The following ITPKB variants were observed in gnomAD, a reference collection of about 807,000 sequenced individuals.
ITPKB encodes the protein IP3 3-kinase B.
In ITPKB, 13 loss-of-function variants were observed where a neutral mutation model predicts 69.4. That is an observed-to-expected ratio of 0.19 (90% CI 0.12 to 0.30). The LOEUF is 0.30. Among genes scored for constraint, ITPKB ranks in the 10% least tolerant of loss-of-function variants. The probability of loss-of-function intolerance (pLI) is 1.00; values close to 1 mark genes in which losing one functional copy is unlikely to be tolerated. For missense variants in ITPKB, 1,240 were observed against 1,250.5 expected, an observed-to-expected ratio of 0.99 and a Z score of 0.13; for synonymous variants, 584 against 513.7, an observed-to-expected ratio of 1.14 and a Z score of -1.85.
At chr1:226,727,867 C>G (rs1371117433) in intron 2 of ITPKB, among the ~76,000 whole-genome samples, 1 of 152,218 alleles carries the variant, frequency 6.6e-6, no homozygotes, top group Non-Finnish European at 1.5e-5. Flanking sequence ...AAACCCTAAT[C>G]TTGGTCACCA....
chr1:226,727,119 G>A (rs1412914609), intron 2 of ITPKB, among the ~76,000 whole-genome samples: 1 of 152,168 alleles, frequency 6.6e-6, no homozygotes, highest in Non-Finnish European at 1.5e-5. Flanking sequence ...ATAATATTAT[G>A]AGGTATATTT....
chr1:226,669,203 G>C (rs942600263), intron 2 of ITPKB: 1 of 152,212 alleles, frequency 6.6e-6, no homozygotes, highest in Non-Finnish European at 1.5e-5. Context: ...ATCACCTGAG[G>C]TCAGGAGTTC....
chr1:226,649,572 TGA>T (rs1383270845), intron 2 of ITPKB, among the ~76,000 whole-genome samples: 11 of 151,622 alleles, frequency 7.3e-5, no homozygotes, highest in African/African-American at 2.7e-4. Context: ...TATGTGTGCA[TGA>T]GTGTGTGCGT....
intron 2 of ITPKB, among the ~76,000 whole-genome samples, chr1:226,670,889 ACC>A (rs1161686184): frequency 7.2e-5 from 11 of 152,350 alleles, no homozygotes; most frequent in African/African-American, 2.4e-4. Context: ...TTATGATGAT[ACC>A]TATTCTTTTT....
intron 2 of ITPKB, among the ~76,000 whole-genome samples, chr1:226,712,589 C>T (rs1656988499): frequency 6.6e-6 from 1 of 152,134 alleles, no homozygotes; most frequent in Non-Finnish European, 1.5e-5. Context: ...GTGAAGGGAG[C>T]GCTCGGCTGG....
chr1:226,664,599 A>T (rs764126809), intron 2 of ITPKB, among the ~76,000 whole-genome samples: 10 of 152,058 alleles, frequency 6.6e-5, no homozygotes, highest in Non-Finnish European at 1.5e-4. Context: ...TGTTAACATC[A>T]TTTCTAGGGA....
chr1:226,714,783 A>T (rs1428287496), intron 2 of ITPKB, among the ~76,000 whole-genome samples: 1 of 152,226 alleles, frequency 6.6e-6, no homozygotes, highest in South Asian at 2.1e-4. Flanking sequence ...AAACATGCTT[A>T]TTCTCTCCCA....
rs554325553 is a variant in ITPKB, at chr1:226,634,715, C to T, written c.2797G>A (p.Val933Ile). Residue 933 changes from valine (V) to isoleucine (I), a missense_variant, in exon 8 of 8, where the codon GTC (valine) becomes ATC (isoleucine). By Grantham distance (29) the Val-to-Ile change is conservative. Coordinates refer to ENST00000429204, the MANE Select transcript of ITPKB (RefSeq NM_002221.4). The surrounding 1 kb of genome is among the most constrained non-coding windows in gnomAD (Gnocchi z 6.3). ...DGYLSGLNNLVDILTEMSQDA... is the reference protein window; with the variant it reads ...DGYLSGLNNLIDILTEMSQDA... ...TGGGACATCTCGGTCAGGATGTCGA[C>T]GAGGTTATTGAGCCCCGAGAGGTAG... The T allele has an allele frequency of 4.0e-5, 39 of 981,548 alleles. No homozygotes were observed. In the East Asian group the frequency reaches 8.1e-4, roughly 20 times the overall value. 60.8% of individuals were successfully genotyped at this position (981,548 alleles called of 1,614,324 possible).
chr1:226,725,242 C>T (rs773130481), intron 2 of ITPKB, among the ~76,000 whole-genome samples: 10 of 152,204 alleles, frequency 6.6e-5, no homozygotes, highest in Admixed American at 1.3e-4. Context: ...GGACAGCATC[C>T]GTTAAGCCGT....
intron 3 of ITPKB, among the ~76,000 whole-genome samples, chr1:226,647,775 T>G (rs1028736839): frequency 3.9e-5 from 6 of 152,228 alleles, no homozygotes; most frequent in African/African-American, 1.4e-4. Context: ...AAACCCTGAT[T>G]GGACAGGATT....
chr1:226,690,532 C>T (rs912930011), intron 2 of ITPKB, among the ~76,000 whole-genome samples: 39 of 102,398 alleles, frequency 3.8e-4, no homozygotes, highest in African/African-American at 1.3e-3. Context: ...CTCACTCCTC[C>T]TACGTCAAGC....
chr1:226,732,770 C>T (rs1657630689), intron 2 of ITPKB, among the ~76,000 whole-genome samples: 1 of 152,082 alleles, frequency 6.6e-6, no homozygotes, highest in Admixed American at 6.6e-5. Context: ...TTGCTCAGTG[C>T]AATTTGATTT....
chr1:226,735,763 T>C lies in ITPKB; in HGVS notation c.1696A>G (p.Ile566Val), dbSNP rs1244864256. 1 of 1,598,376 alleles carries C rather than the reference T, an allele frequency of 6.3e-7. No individual in the cohort carries two copies. Residue 566 changes from isoleucine (I) to valine (V), a missense_variant, in exon 2 of 8, where the codon ATA (isoleucine) becomes GTA (valine). Physicochemically the swap from Ile to Val is conservative, Grantham distance 29. Transcript: ENST00000429204. ...FLRKACSPSN[I>V]PAVIITDMGT... is the part of the protein sequence containing the mutation. ...ATGTCTGTAATGATGACAGCAGGTATGTTGCTGGGGCTGCAGGCCTTCCTC... is the reference window on the plus strand; with the variant it reads ...ATGTCTGTAATGATGACAGCAGGTACGTTGCTGGGGCTGCAGGCCTTCCTC...
intron 2 of ITPKB, among the ~76,000 whole-genome samples, chr1:226,671,958 G>C (rs1306490074): frequency 3.9e-5 from 6 of 152,308 alleles, no homozygotes; most frequent in African/African-American, 1.4e-4. Context: ...GCTGCTGGAG[G>C]GTTTTGAGTG....
chr1:226,634,740 G>T lies in ITPKB; in HGVS notation c.2772C>A (p.Gly924=). The change falls in exon 8 of 8, where the codon GGC becomes GGA. Residue 924 remains glycine, a synonymous_variant. Transcript: ENST00000429204. This position sits in a 1 kb window ranked among gnomAD's most constrained non-coding sequence, Gnocchi z 6.3. ...CGAGGTTATTGAGCCCCGAGAGGTA[G>T]CCATCCTCCCGGTTCCCCTCCTGCC... ...VPWQEGNRED[G]YLSGLNNLVD... 1 of 1,187,418 alleles carries T rather than the reference G, an allele frequency of 8.4e-7. No homozygotes were observed. The highest frequency in any genetic ancestry group is 1.3e-6 in the Non-Finnish European group (1 of 790,594). The allele number at this position is 1,187,418 out of a possible 1,614,324, so 73.6% of individuals were successfully genotyped here.
chr1:226,725,392 T>A (rs1657380164), intron 2 of ITPKB, among the ~76,000 whole-genome samples: 1 of 152,248 alleles, frequency 6.6e-6, no homozygotes, highest in Non-Finnish European at 1.5e-5. Flanking sequence ...GAGGCAGTGG[T>A]TGCCAGACCT....
chr1:226,736,223 G>T lies in ITPKB; in HGVS notation c.1236C>A (p.Ser412=). 6.5e-7 allele frequency: 1 copy of T among 1,538,710 alleles called. No homozygotes were observed. Residue 412 remains serine (S), a synonymous_variant, in exon 2 of 8, where the codon TCC becomes TCA. Transcript: ENST00000429204. Reference sequence around the variant, plus strand: ...CGGAGGCCAGGGCCCTGGGCAGCCTGGACCAGCTCAGGGAATCAGAGGACT... The same window carrying T: ...CGGAGGCCAGGGCCCTGGGCAGCCTTGACCAGCTCAGGGAATCAGAGGACT... ...SAESSDSLSW[S]RLPRALASVG...
At chr1:226,703,822 C>G (rs891791267) in intron 2 of ITPKB, among the ~76,000 whole-genome samples, 5 of 152,216 alleles carry the variant, frequency 3.3e-5, no homozygotes, top group Non-Finnish European at 5.9e-5. Flanking sequence ...GTGTTTCAGT[C>G]TGGGTTTCCT....
chr1:226,707,416 C>CA (rs1348240519), intron 2 of ITPKB: 1 of 444,640 alleles, frequency 2.2e-6, no homozygotes. Flanking sequence ...AGGCTGGTCT[C>CA]AATCTCTTGA....
Sources: gnomAD v4.1 joint callset for allele counts (sites outside exome capture counted in the v4.1 genomes callset) on GRCh38, gnomAD v4.1.1 for gene constraint, Gnocchi (gnomAD v3.1) non-coding constraint, MANE v1.5 for transcripts, NCBI Gene and HGNC (gene_info 2026-07-23, HGNC 2026-07-21) for gene names.